ZNF562: variants seen among roughly 807,000 people sequenced by gnomAD.
ZNF562 encodes zinc finger protein 562.
A neutral mutation model predicts 17.5 loss-of-function variants in ZNF562; 13 were observed. The observed-to-expected ratio is 0.74, with a 90% CI of 0.48 to 1.18. The LOEUF (loss-of-function observed/expected upper bound fraction) is 1.18, where lower values mean the gene tolerates loss of function less well. ZNF562 is among the 50% of genes most tolerant of loss of function. The pLI, the probability that ZNF562 is intolerant of heterozygous loss-of-function variation, is 0.00. For synonymous variants in ZNF562, 163 were observed against 165.4 expected, an observed-to-expected ratio of 0.99 and a Z score of 0.11; for missense variants, 481 against 498.5, an observed-to-expected ratio of 0.96 and a Z score of 0.33.
intron 1 of ZNF562, among the ~76,000 whole-genome samples, chr19:9,673,653 A>C (rs1303817861): frequency 6.6e-6 from 1 of 152,204 alleles, no homozygotes; most frequent in Admixed American, 6.5e-5. Context: ...AATAACCTGC[A>C]AGAAAATAAA....
intron 4 of ZNF562, among the ~76,000 whole-genome samples, chr19:9,656,993 T>C (rs2043515932): frequency 6.8e-6 from 1 of 147,372 alleles, no homozygotes; most frequent in African/African-American, 2.5e-5. Context: ...TGAGCTGAAA[T>C]CACACCACTG....
At position 9,646,739 on chromosome 19, in the gene ZNF562, T is replaced by C. The variant is rs2074809145; in HGVS notation, c.*6210A>G. ...AATAAAAACATGCCTAGAAGAATAT[T>C]CTCAAAATACTTATGCAAGCCTTAG... On this transcript the variant is annotated 3_prime_UTR_variant, in exon 6 of 6. Coordinates refer to ENST00000453372, the MANE Select transcript of ZNF562 (RefSeq NM_001130031.2). 6.6e-6 allele frequency: 1 copy of C among 150,876 alleles called. No individual in the cohort carries two copies. Among genetic ancestry groups the C allele is most frequent in the Admixed American group, 6.6e-5 (1 of 15,052 alleles). 9.3% of individuals were successfully genotyped at this position (150,876 alleles called of 1,614,324 possible).
chr19:9,642,694 T>A lies in ZNF562; in HGVS notation c.*10255A>T, dbSNP rs1383071852. The A allele has an allele frequency of 6.6e-6, 1 of 151,938 alleles. No homozygotes were observed. The highest frequency in any genetic ancestry group is 2.4e-5 in the African/African-American group (1 of 41,344). The allele number at this position is 151,938 out of a possible 1,614,324, so 9.4% of individuals were successfully genotyped here. On this transcript the variant is annotated 3_prime_UTR_variant, in exon 6 of 6. Coordinates refer to ENST00000453372, the MANE Select transcript of ZNF562 (RefSeq NM_001130031.2). ...CTTTGTATCAAATGGGTAATAAGAC[T>A]ATGTAACAGGAACAACACAACAACA...
At chr19:9,666,097 G>T (rs889962321) in intron 1 of ZNF562, among the ~76,000 whole-genome samples, 1 of 152,002 alleles carries the variant, frequency 6.6e-6, no homozygotes, top group African/African-American at 2.4e-5. Context: ...GGCCGAGGTG[G>T]GTGGATCTTC....
intron 5 of ZNF562, among the ~76,000 whole-genome samples, chr19:9,654,750 A>G (rs945647362): frequency 3.9e-5 from 6 of 151,946 alleles, no homozygotes; most frequent in African/African-American, 1.5e-4. Context: ...CCCGGCCTCA[A>G]TTTATTTTTA....
chr19:9,653,103 T>G lies in ZNF562; in HGVS notation c.1127A>C (p.Glu376Ala). 6.2e-7 allele frequency: 1 copy of G among 1,610,876 alleles called. No homozygotes were observed. Among genetic ancestry groups the G allele is most frequent in the Non-Finnish European group, 8.5e-7 (1 of 1,178,294 alleles). ...AGATCTATTGAAGGCTTTCCCACATTCCTTACACTGATAGGGTTTCTCTCC... is the reference window on the plus strand; with the variant it reads ...AGATCTATTGAAGGCTTTCCCACATGCCTTACACTGATAGGGTTTCTCTCC... Reference protein sequence around the residue: ...HTGEKPYQCKECGKAFNRSST... With the variant: ...HTGEKPYQCKACGKAFNRSST... Residue 376 changes from glutamate (E) to alanine (A), a missense_variant, in exon 6 of 6, where the codon GAA (glutamate) becomes GCA (alanine). Glu to Ala is a moderately radical substitution (Grantham distance 107). This residue lies in a region of ZNF562 where 78 missense variants were observed against 112.0 expected (regional missense o/e 0.70). Transcript: ENST00000453372.
chr19:9,656,531 C>A lies in ZNF562; in HGVS notation c.348+16G>T. 4 of 1,610,942 alleles carry A rather than the reference C, an allele frequency of 2.5e-6. No homozygotes were observed. Among genetic ancestry groups the A allele is most frequent in the Non-Finnish European group, 3.4e-6 (4 of 1,178,680 alleles). ...AAAAACAGAAGAAAAAAATAAGTAT[C>A]CCTCATGAATCTTACCATTTGTATC... On this transcript the variant is annotated intron_variant, in intron 5 of 5. Transcript: ENST00000453372.
chr19:9,660,738 C>T lies in ZNF562; in HGVS notation c.7G>A (p.Ala3Thr), dbSNP rs1263132163. The change falls in exon 2 of 6, where the codon GCC becomes ACC. Residue 3 changes from alanine to threonine, a missense_variant. Ala to Thr is a moderately conservative substitution (Grantham distance 58). This residue lies in a region of ZNF562 where 403 missense variants were observed against 386.4 expected (regional missense o/e 1.04). Coordinates refer to ENST00000453372, the MANE Select transcript of ZNF562 (RefSeq NM_001130031.2). ...GACTTACCATGGGACATATCAAAGG[C>T]TGACATCCTCTGAAGCTGATGGTGA... MS[A>T]FDMSHGFFPR... 2 of 1,613,524 alleles carry T rather than the reference C, an allele frequency of 1.2e-6. No homozygotes were observed. Among genetic ancestry groups the T allele is most frequent in the East Asian group, 2.2e-5 (1 of 44,874 alleles).
Position 9,660,847 on chromosome 19 carries a change from T to C in ZNF562, c.-103A>G. On this transcript the variant is annotated 5_prime_UTR_variant, in exon 2 of 6. Transcript: ENST00000453372. ...CTAGGTGGATACAGGCAATCTCCAT[T>C]CCCCTTTGTACAGGGTTATCTGAGG... The C allele has an allele frequency of 8.1e-7, 1 of 1,234,564 alleles. No homozygotes were observed. The highest frequency in any genetic ancestry group is 1.2e-6 in the Non-Finnish European group (1 of 856,964). The allele number at this position is 1,234,564 out of a possible 1,614,324, so 76.5% of individuals were successfully genotyped here. A position where few individuals can be genotyped will look rare whatever the true frequency, so the allele number is the denominator to read the frequency against.
Position 9,642,574 on chromosome 19 carries a change from G to T in ZNF562, c.*10375C>A, listed in dbSNP as rs1391270722. The T allele has an allele frequency of 1.3e-5, 2 of 151,892 alleles. No homozygotes were observed. The highest frequency in any genetic ancestry group is 2.9e-5 in the Non-Finnish European group (2 of 68,004). The allele number at this position is 151,892 out of a possible 1,614,324, so 9.4% of individuals were successfully genotyped here. A position where few individuals can be genotyped will look rare whatever the true frequency, so the allele number is the denominator to read the frequency against. On this transcript the variant is annotated 3_prime_UTR_variant, in exon 6 of 6. Transcript: ENST00000453372. Reference sequence around the variant, plus strand: ...TTACAACTGTGAGCCACTCTGCTTGGCCCTTTATTCTTTTACATATTTAAT... The same window carrying T: ...TTACAACTGTGAGCCACTCTGCTTGTCCCTTTATTCTTTTACATATTTAAT...
intron 1 of ZNF562, among the ~76,000 whole-genome samples, chr19:9,664,428 T>G (rs2043870206): frequency 6.6e-6 from 1 of 152,232 alleles, no homozygotes; most frequent in African/African-American, 2.4e-5. Flanking sequence ...TTATCAGTAC[T>G]TACAAAAACT....
In ZNF562 at chr19:9,648,197, C is replaced by T. The variant is rs2074822385; in HGVS notation, c.*4752G>A. On this transcript the variant is annotated 3_prime_UTR_variant, in exon 6 of 6. Coordinates refer to ENST00000453372, the MANE Select transcript of ZNF562 (RefSeq NM_001130031.2). ...AGCTCCATAACATATTAGTAAAGGT[C>T]ATGAAGTATTTTTAAGTGATCCATT... 1 of 152,182 alleles carries T rather than the reference C, an allele frequency of 6.6e-6. No homozygotes were observed. The highest frequency in any genetic ancestry group is 1.5e-5 in the Non-Finnish European group (1 of 68,028). 9.4% of individuals were successfully genotyped at this position (152,182 alleles called of 1,614,324 possible). A position where few individuals can be genotyped will look rare whatever the true frequency, so the allele number is the denominator to read the frequency against.
At chr19:9,661,076 A>G (rs1157275884) in intron 1 of ZNF562, among the ~76,000 whole-genome samples, 1 of 152,218 alleles carries the variant, frequency 6.6e-6, no homozygotes, top group Non-Finnish European at 1.5e-5. Context: ...GTAGCTTTAT[A>G]TATACATGCT....
intron 5 of ZNF562, 124 bp downstream of exon 5, chr19:9,656,423 C>T (rs1296854762): frequency 3.0e-5 from 29 of 981,540 alleles, no homozygotes; most frequent in East Asian, 5.1e-5. Context: ...GCAAGAGAAT[C>T]GCTTGAACCT....
rs1189178573 is a variant in ZNF562 at position 9,649,589 on chromosome 19, G to T, written c.*3360C>A. The T allele has an allele frequency of 1.3e-5, 2 of 152,156 alleles. No individual in the cohort carries two copies. The highest frequency in any genetic ancestry group is 4.8e-5 in the African/African-American group (2 of 41,422). 9.4% of individuals were successfully genotyped at this position (152,156 alleles called of 1,614,324 possible). On this transcript the variant is annotated 3_prime_UTR_variant, in exon 6 of 6. Coordinates refer to ENST00000453372, the MANE Select transcript of ZNF562 (RefSeq NM_001130031.2). ...CTCTTATGGTCGAGACTGCAGGGGT[G>T]AAATAGACCCCAGTCTCCCATAGCA...
chr19:9,672,720 G>A (rs1196468711), intron 1 of ZNF562, among the ~76,000 whole-genome samples: 2 of 151,806 alleles, frequency 1.3e-5, no homozygotes, highest in Non-Finnish European at 2.9e-5. Context: ...AAGCACTGTG[G>A]GGAAGTACAG....
At position 9,645,250 on chromosome 19, in the gene ZNF562, T is replaced by G. The variant is rs996184117; in HGVS notation, c.*7699A>C. Reference sequence around the variant, plus strand: ...TTAGTAGAGATGGGGGTTCACCATGTTGCCCAAAATGGTCTCAATCTCTTG... The same window carrying G: ...TTAGTAGAGATGGGGGTTCACCATGGTGCCCAAAATGGTCTCAATCTCTTG... On this transcript the variant is annotated 3_prime_UTR_variant, in exon 6 of 6. Transcript: ENST00000453372. 1 of 152,184 alleles carries G rather than the reference T, an allele frequency of 6.6e-6. No homozygotes were observed. The highest frequency in any genetic ancestry group is 2.4e-5 in the African/African-American group (1 of 41,440). The allele number at this position is 152,184 out of a possible 1,614,324, so 9.4% of individuals were successfully genotyped here. A position where few individuals can be genotyped will look rare whatever the true frequency, so the allele number is the denominator to read the frequency against.
chr19:9,667,262 A>T (rs1402945530), intron 1 of ZNF562, among the ~76,000 whole-genome samples: 2 of 152,228 alleles, frequency 1.3e-5, no homozygotes, highest in African/African-American at 4.8e-5. Flanking sequence ...ACCAAGAATA[A>T]AAACCGTATG....
chr19:9,665,643 C>T (rs1244422117), intron 1 of ZNF562, among the ~76,000 whole-genome samples: 3 of 152,182 alleles, frequency 2.0e-5, no homozygotes, highest in Non-Finnish European at 2.9e-5. Flanking sequence ...CCCTTTAGGA[C>T]TCCCCAATTC....
Sources: gnomAD v4.1 joint callset for allele counts (sites outside exome capture counted in the v4.1 genomes callset) on GRCh38, gnomAD v4.1.1 for gene constraint, gnomAD v4.1.1 regional missense constraint, MANE v1.5 for transcripts, NCBI Gene and HGNC (gene_info 2026-07-23, HGNC 2026-07-21) for gene names.